The following DCLRE1B variants were observed in gnomAD, a reference collection of about 807,000 sequenced individuals.
DCLRE1B encodes the protein 5' exonuclease Apollo.
DCLRE1B carries 6 observed loss-of-function variants against 19.8 expected under a neutral mutation model. That is an observed-to-expected ratio of 0.30 (90% CI 0.17 to 0.60). The LOEUF is 0.60. DCLRE1B is among the 20% of genes least tolerant of loss of function. The pLI is 0.87. For synonymous variants in DCLRE1B, 258 were observed against 255.7 expected (o/e 1.01, Z -0.09); for missense variants, 622 against 654.2 (o/e 0.95, Z 0.54).
chr1:113,911,425 C>T lies in DCLRE1B; in HGVS notation c.833C>T (p.Ser278Phe), dbSNP rs946912356. Residue 278 changes from serine to phenylalanine, a missense_variant, in exon 4 of 4, where the codon TCT (serine) becomes TTT (phenylalanine). Coordinates refer to ENST00000650450, the MANE Select transcript of DCLRE1B (RefSeq NM_022836.4). ...GTCATCCCTTACTCTGACCATTCCT[C>T]TTACTCCGAGCTTCGTGCCTTTGTC... The part of the protein sequence containing the change: ...IHVIPYSDHS[S>F]YSELRAFVAA... 2 of 1,614,216 alleles carry T rather than the reference C, an allele frequency of 1.2e-6. No homozygotes were observed. Among genetic ancestry groups the T allele is most frequent in the Non-Finnish European group, 1.7e-6 (2 of 1,180,050 alleles).
intron 3 of DCLRE1B, among the ~76,000 whole-genome samples, chr1:113,910,204 G>A (rs1669202587): frequency 6.6e-6 from 1 of 152,040 alleles, no homozygotes; most frequent in African/African-American, 2.4e-5. Context: ...TTATTCTTAT[G>A]ATTAGAATTA....
At chr1:113,904,925 G>T, upstream of DCLRE1B, 1 of 566,930 alleles carries the variant, frequency 1.8e-6, no homozygotes, top group Admixed American at 2.6e-5. Flanking sequence ...CCCCACCCTA[G>T]GCTCTTCAGG....
In DCLRE1B at chr1:113,905,642, G is replaced by C; in HGVS notation, c.56G>C (p.Arg19Pro). ...TPIAVDFWSLRRAGTARLFFL... is the reference protein window; with the variant it reads ...TPIAVDFWSLPRAGTARLFFL... ...ATCGCAGTGGACTTCTGGAGCCTGC[G>C]CCGGGCTGGCACCGCACGTCTCTTC... Residue 19 changes from arginine (R) to proline (P), a missense_variant, in exon 1 of 4, where the codon CGC (arginine) becomes CCC (proline). By Grantham distance (103) the Arg-to-Pro change is moderately radical. Transcript: ENST00000650450. The C allele has an allele frequency of 6.2e-7, 1 of 1,614,134 alleles. No homozygotes were observed. The highest frequency in any genetic ancestry group is 2.2e-5 in the East Asian group (1 of 44,874).
intron 2 of DCLRE1B, 49 bp downstream of exon 2, chr1:113,907,210 T>TTTTTTTTTTTG: frequency 2.7e-6 from 2 of 753,206 alleles, no homozygotes. Context: ...AGATGTTTTT[T>TTTTTTTTTTTG]TTTTTTTTTT....
rs1222901562 is a variant in DCLRE1B, at chr1:113,911,496, C to T, written c.904C>T (p.Pro302Ser). 9 of 1,614,158 alleles carry T rather than the reference C, an allele frequency of 5.6e-6. No individual in the cohort carries two copies. Among genetic ancestry groups the T allele is most frequent in the Non-Finnish European group, 7.6e-6 (9 of 1,180,042 alleles). ...CQVVPIVSRR[P>S]CGGFQDSLSP... is the part of the protein sequence containing the mutation. ...GGTGGTGCCCATTGTAAGTCGGCGG[C>T]CCTGTGGAGGCTTTCAGGACAGTCT... Residue 302 changes from proline (P) to serine (S), a missense_variant, in exon 4 of 4, where the codon CCC (proline) becomes TCC (serine). This residue lies in a region of DCLRE1B where 382 missense variants were observed against 412.5 expected (regional missense o/e 0.93). Coordinates refer to ENST00000650450, the MANE Select transcript of DCLRE1B (RefSeq NM_022836.4).
intron 1 of DCLRE1B, among the ~76,000 whole-genome samples, 187 bp downstream of exon 1, chr1:113,905,962 A>G (rs1292406753): frequency 1.3e-5 from 2 of 151,880 alleles, no homozygotes; most frequent in Non-Finnish European, 2.9e-5. Flanking sequence ...ATAGTTAGCC[A>G]TAAGTTGAGG....
chr1:113,909,791 C>T (rs1474456582), intron 3 of DCLRE1B, among the ~76,000 whole-genome samples: 1 of 152,146 alleles, frequency 6.6e-6, no homozygotes, highest in Non-Finnish European at 1.5e-5. Flanking sequence ...AATATAGTCT[C>T]TGACTTGGAG....
At position 113,907,097 on chromosome 1, in the gene DCLRE1B, C is replaced by CA; in HGVS notation, c.293dup (p.Asn98LysfsTer12). The CA allele has an allele frequency of 6.2e-7, 1 of 1,613,190 alleles. No individual in the cohort carries two copies. ...CCATGACCGTAACCCTCCTCGATGC[C>CA]AATCACTGTCCTGGTTCTGTCATGT... On this transcript the variant is annotated frameshift_variant, in exon 2 of 4. Transcript: ENST00000650450. LOFTEE classifies it high-confidence loss of function.
chr1:113,905,058 GC>G, upstream of DCLRE1B: 1 of 392,888 alleles, frequency 2.5e-6, no homozygotes, highest in Non-Finnish European at 4.9e-6. Context: ...TCCAGTTCCA[GC>G]CTTAATTCCC....
upstream of DCLRE1B, chr1:113,904,629 C>T: frequency 6.2e-7 from 1 of 1,613,856 alleles, no homozygotes. Context: ...GATGACATTC[C>T]GGTAGCGCAG....
At chr1:113,905,181 G>T (rs1337090706), upstream of DCLRE1B, 2 of 340,200 alleles carry the variant, frequency 5.9e-6, no homozygotes, top group Non-Finnish European at 1.1e-5. Flanking sequence ...GCGAGCGAGC[G>T]CTAAGCGTAG....
chr1:113,912,288 CT>C lies in DCLRE1B; in HGVS notation c.*101del, dbSNP rs1669293971. On this transcript the variant is annotated 3_prime_UTR_variant, in exon 4 of 4. Coordinates refer to ENST00000650450, the MANE Select transcript of DCLRE1B (RefSeq NM_022836.4). ...GGAAAGAGTTTGTTTTTGGGGCCTACTTTTCTATCTTTACAAGACTCTTATG... is the reference window on the plus strand; with the variant it reads ...GGAAAGAGTTTGTTTTTGGGGCCTACTTTCTATCTTTACAAGACTCTTATG... The C allele has an allele frequency of 1.6e-6, 2 of 1,271,884 alleles. No individual in the cohort carries two copies. Among genetic ancestry groups the C allele is most frequent in the East Asian group, 4.7e-5 (2 of 42,586 alleles). The allele number at this position is 1,271,884 out of a possible 1,614,324, so 78.8% of individuals were successfully genotyped here.
chr1:113,911,007 C>A, intron 3 of DCLRE1B, 124 bp from the exon 4 acceptor site: 1 of 897,408 alleles, frequency 1.1e-6, no homozygotes, highest in Non-Finnish European at 1.7e-6. Context: ...CCTTGATATT[C>A]TCCCTGGATT....
chr1:113,906,848 A>C (rs992926860), intron 1 of DCLRE1B, 148 bp from the exon 2 acceptor site: 3 of 795,766 alleles, frequency 3.8e-6, no homozygotes, highest in Non-Finnish European at 6.1e-6. Flanking sequence ...GAGGAAGGGC[A>C]GATTGCTTGG....
In DCLRE1B at chr1:113,905,662, CTCT is replaced by C. The variant is rs763030449; in HGVS notation, c.84_86del (p.Phe28del). 107 of 1,614,102 alleles carry C rather than the reference CTCT, an allele frequency of 6.6e-5. No homozygotes were observed. Among genetic ancestry groups the C allele is most frequent in the East Asian group, 8.9e-5 (4 of 44,890 alleles). The stretch of plus-strand genomic sequence containing the variant: ...CCTGCGCCGGGCTGGCACCGCACGT[CTCT>C]TCTTCTTGTCTCACATGCACTCGGA... On this transcript the variant is annotated inframe_deletion, in exon 1 of 4. Coordinates refer to ENST00000650450, the MANE Select transcript of DCLRE1B (RefSeq NM_022836.4).
At chr1:113,906,501 T>A (rs1318125043) in intron 1 of DCLRE1B, among the ~76,000 whole-genome samples, 2 of 150,942 alleles carry the variant, frequency 1.3e-5, no homozygotes, top group African/African-American at 4.9e-5. Context: ...AACTCTTTTT[T>A]TTTTTTTGAG....
Position 113,911,364 on chromosome 1 carries a change from A to C in DCLRE1B, c.772A>C (p.Ser258Arg). Reference sequence around the variant, plus strand: ...CCCTACGATTGCTATCCTTCCCACAAGCCGAAAAATCCACAGCTCCCACCC... The same window carrying C: ...CCCTACGATTGCTATCCTTCCCACACGCCGAAAAATCCACAGCTCCCACCC... The part of the protein sequence containing the change: ...THPTIAILPT[S>R]RKIHSSHPDI... The change falls in exon 4 of 4, where the codon AGC (serine) becomes CGC (arginine). Residue 258 changes from serine to arginine, a missense_variant. Coordinates refer to ENST00000650450, the MANE Select transcript of DCLRE1B (RefSeq NM_022836.4). The C allele has an allele frequency of 6.2e-7, 1 of 1,614,134 alleles. No homozygotes were observed. Among genetic ancestry groups the C allele is most frequent in the Non-Finnish European group, 8.5e-7 (1 of 1,180,034 alleles).
At chr1:113,907,898 A>G in intron 2 of DCLRE1B, 111 bp from the exon 3 acceptor site, 1 of 1,207,622 alleles carries the variant, frequency 8.3e-7, no homozygotes, top group South Asian at 1.5e-5. Flanking sequence ...GCTACATAAT[A>G]GTTTTTTCAC....
At chr1:113,906,304 C>A (rs549747679) in intron 1 of DCLRE1B, among the ~76,000 whole-genome samples, 20 of 151,666 alleles carry the variant, frequency 1.3e-4, no homozygotes, top group Non-Finnish European at 4.4e-5. Context: ...GTGATCCGCC[C>A]GCCTCAGCCT....
Sources: allele counts gnomAD v4.1 joint callset (sites outside exome capture counted in the v4.1 genomes callset), GRCh38; gene constraint gnomAD v4.1.1; regional missense constraint gnomAD v4.1.1; transcripts MANE v1.5; gene names NCBI Gene and HGNC (gene_info 2026-07-23, HGNC 2026-07-21).